The following KLHL15 variants were observed in gnomAD, a reference collection of about 807,000 sequenced individuals.
KLHL15 encodes the protein kelch like family member 15, also known as kelch-like protein 15.
A neutral mutation model predicts 29.3 loss-of-function variants in KLHL15; 1 was observed. The ratio of observed to expected loss-of-function variants is 0.03; its 90% CI spans 0.01 to 0.16. The LOEUF is 0.16. Ranked by LOEUF, KLHL15 falls within the 10% of genes least tolerant of loss-of-function variation. KLHL15 has a pLI of 1.00. For missense variants in KLHL15, 215 were observed against 478.5 expected, an observed-to-expected ratio of 0.45 and a Z score of 5.14; for synonymous variants, 212 against 184.5, an observed-to-expected ratio of 1.15 and a Z score of -1.21.
intron 3 of KLHL15, among the ~76,000 whole-genome samples, chrX:23,996,171 C>T (rs952405026): frequency 8.9e-6 from 1 of 112,205 alleles, no homozygotes; most frequent in Admixed American, 9.5e-5. Flanking sequence ...TAAGATGGTG[C>T]CTGGCCCTAT....
Position 23,986,360 on chromosome X carries a change from T to C in KLHL15, c.*1561A>G, listed in dbSNP as rs139996628. ...GAAAATTTATACATCAGCAGCCATA[T>C]AGAAGGCATTGCAATATTGCACCAA... On this transcript the variant is annotated 3_prime_UTR_variant, in exon 4 of 4. Coordinates refer to ENST00000328046, the MANE Select transcript of KLHL15 (RefSeq NM_030624.3). 136 of 112,499 alleles carry C rather than the reference T, an allele frequency of 1.2e-3. No individual in the cohort carries two copies. Among genetic ancestry groups the C allele is most frequent in the African/African-American group, 4.3e-3 (133 of 31,102 alleles). 9.3% of individuals were successfully genotyped at this position (112,499 alleles called of 1,213,427 possible). A position where few individuals can be genotyped will look rare whatever the true frequency, so the allele number is the denominator to read the frequency against.
chrX:23,990,904 G>C (rs1443588483), intron 3 of KLHL15, among the ~76,000 whole-genome samples: 1 of 111,122 alleles, frequency 9.0e-6, no homozygotes, highest in East Asian at 2.8e-4. Flanking sequence ...TTTGAAAACT[G>C]TATTCAGTAT....
intron 1 of KLHL15, among the ~76,000 whole-genome samples, chrX:24,025,913 T>G (rs780728324): frequency 3.6e-5 from 4 of 110,732 alleles, no homozygotes; most frequent in African/African-American, 1.3e-4. Context: ...CTCGTCCCCT[T>G]GCAGCGGTCT....
At position 24,006,321 on chromosome X, in the gene KLHL15, A is replaced by G. The variant is rs767627887; in HGVS notation, c.373T>C (p.Leu125=). 5.6e-5 allele frequency: 68 copies of G among 1,210,045 alleles called. No individual in the cohort carries two copies. The highest frequency in any genetic ancestry group is 8.8e-5 in the South Asian group (5 of 56,843). Residue 125 remains leucine (L), a synonymous_variant, in exon 3 of 4, where the codon TTA becomes CTA. Coordinates refer to ENST00000328046, the MANE Select transcript of KLHL15 (RefSeq NM_030624.3). ...CAATTTTCTAGGCAGATCTTCGCTA[A>G]GAGAAAAGAGCAGCAGAACTTCACC... ...EVVKFCCSFL[L]AKICLENCAE... is the part of the protein sequence containing the mutation.
intron 2 of KLHL15, among the ~76,000 whole-genome samples, chrX:24,021,704 T>C (rs1929808163): frequency 9.0e-6 from 1 of 111,584 alleles, no homozygotes; most frequent in Admixed American, 9.6e-5. Context: ...GTTAAGTAAC[T>C]TGCCCAAGGC....
chrX:24,020,606 A>C (rs1328524245), intron 2 of KLHL15, among the ~76,000 whole-genome samples: 1 of 111,078 alleles, frequency 9.0e-6, no homozygotes, highest in African/African-American at 3.3e-5. Flanking sequence ...GAAAAAAAAA[A>C]CCCTGCTTGA....
chrX:24,019,380 T>C (rs1929758092), intron 2 of KLHL15, among the ~76,000 whole-genome samples: 1 of 111,008 alleles, frequency 9.0e-6, no homozygotes, highest in African/African-American at 3.3e-5. Context: ...CTCAGCCTCC[T>C]GAGTAGCTGG....
chrX:24,005,971 G>A lies in KLHL15; in HGVS notation c.705+18C>T. The A allele has an allele frequency of 8.6e-7, 1 of 1,157,165 alleles. No homozygotes were observed. The highest frequency in any genetic ancestry group is 1.2e-6 in the Non-Finnish European group (1 of 851,334). ...AACTAAATGATGAGTACTGTCTATT[G>A]CTTTCAAATGCACTAACCTTCTCAA... On this transcript the variant is annotated intron_variant, in intron 3 of 3. Coordinates refer to ENST00000328046, the MANE Select transcript of KLHL15 (RefSeq NM_030624.3).
chrX:24,005,513 T>C (rs1929428769), intron 3 of KLHL15, among the ~76,000 whole-genome samples: 1 of 111,723 alleles, frequency 9.0e-6, no homozygotes, highest in East Asian at 2.8e-4. Context: ...AAGAGCTATT[T>C]TGTACGTCCT....
At chrX:24,007,506 A>T (rs35001645) in intron 2 of KLHL15, among the ~76,000 whole-genome samples, 721 of 58,019 alleles carry the variant, frequency 0.012, 2 homozygotes, top group Non-Finnish European at 0.017. Flanking sequence ...AAAAAAAAAA[A>T]AAATATATAT....
rs762058580 is a variant in KLHL15 at position 23,988,257 on chromosome X, G to A, written c.1479C>T (p.Phe493=). 4 of 1,211,236 alleles carry A rather than the reference G, an allele frequency of 3.3e-6. No homozygotes were observed. The highest frequency in any genetic ancestry group is 2.2e-5 in the Admixed American group (1 of 45,993). Residue 493 remains phenylalanine (F), a synonymous_variant, in exon 4 of 4, where the codon TTC becomes TTT. Coordinates refer to ENST00000328046, the MANE Select transcript of KLHL15 (RefSeq NM_030624.3). ...MISYNGKLYV[F]GGVCVILRAS... is the part of the protein sequence containing the mutation. ...CCCTCAAGATCACACAGACACCACC[G>A]AAGACATAAAGCTTGCCATTGTAAG...
At chrX:23,990,304 G>T (rs780869451) in intron 3 of KLHL15, among the ~76,000 whole-genome samples, 56 of 111,501 alleles carry the variant, frequency 5.0e-4, no homozygotes, top group Admixed American at 1.4e-3. Flanking sequence ...TGAGTCAGGT[G>T]ACAATTAGGT....
chrX:24,017,779 C>CAAA (rs531099917), intron 2 of KLHL15, among the ~76,000 whole-genome samples: 4 of 42,520 alleles, frequency 9.4e-5, no homozygotes, highest in Non-Finnish European at 1.8e-4. Flanking sequence ...GACCATGTCC[C>CAAA]AAAAAAAAAA....
chrX:24,014,192 T>C (rs1371948961), intron 2 of KLHL15, among the ~76,000 whole-genome samples: 1 of 111,152 alleles, frequency 9.0e-6, no homozygotes, highest in East Asian at 2.8e-4. Context: ...CAGTAAGCCA[T>C]GATCATGCCA....
Position 24,012,422 on chromosome X carries a change from C to T in KLHL15, c.-7-5722G>A, listed in dbSNP as rs1317559709. On this transcript the variant is annotated intron_variant, in intron 2 of 3. Transcript: ENST00000328046. ...TGACACTGTGCTCCTGATTCTCTTC[C>T]TAGTCCTGGGCTGCTCATTTCTCAA... 2.7e-5 allele frequency among the ~76,000 whole-genome samples: 3 copies of T among 111,359 alleles called. No individual in the cohort carries two copies. In the East Asian group the frequency reaches 8.5e-4, roughly 31 times the overall value.
intron 2 of KLHL15, among the ~76,000 whole-genome samples, chrX:24,024,089 G>A (rs1418171679): frequency 8.9e-6 from 1 of 111,962 alleles, no homozygotes; most frequent in Non-Finnish European, 1.9e-5. Flanking sequence ...GGGGCCTAAA[G>A]CGGCCTAGAA....
At chrX:23,990,684 G>A (rs529841688) in intron 3 of KLHL15, among the ~76,000 whole-genome samples, 4 of 110,748 alleles carry the variant, frequency 3.6e-5, no homozygotes, top group Middle Eastern at 4.6e-3. Context: ...GTTCTGAGGC[G>A]GAAATGTCTA....
chrX:24,025,573 C>G (rs1324853083), intron 1 of KLHL15, among the ~76,000 whole-genome samples: 14 of 108,414 alleles, frequency 1.3e-4, no homozygotes, highest in South Asian at 7.5e-4. Flanking sequence ...GGAGGCCCCC[C>G]CCTCGGCCCC....
intron 2 of KLHL15, among the ~76,000 whole-genome samples, chrX:24,020,105 T>C (rs976660213): frequency 1.1e-4 from 12 of 112,395 alleles, no homozygotes; most frequent in Middle Eastern, 4.2e-3. Context: ...CTACCAAAAT[T>C]GATGCCTATG....
Sources: allele counts gnomAD v4.1 joint callset (sites outside exome capture counted in the v4.1 genomes callset), GRCh38; gene constraint gnomAD v4.1.1; transcripts MANE v1.5; gene names NCBI Gene and HGNC (gene_info 2026-07-23, HGNC 2026-07-21).